BIRC6: variants seen among roughly 807,000 people sequenced by gnomAD.
BIRC6 encodes the protein dual E2 ubiquitin-conjugating enzyme/E3 ubiquitin-protein ligase BIRC6.
Under a neutral mutation model 503.3 loss-of-function variants are expected in BIRC6, and 98 were observed. The ratio of observed to expected loss-of-function variants is 0.19; its 90% CI spans 0.17 to 0.23. BIRC6 has a LOEUF of 0.23. Ranked by LOEUF, BIRC6 falls within the 10% of genes least tolerant of loss-of-function variation. The pLI, the probability that BIRC6 is intolerant of heterozygous loss-of-function variation, is 1.00. For missense variants in BIRC6, 5,360 were observed against 5,806.0 expected, an observed-to-expected ratio of 0.92 and a Z score of 2.50; for synonymous variants, 2,240 against 2,078.7, an observed-to-expected ratio of 1.08 and a Z score of -2.11.
chr2:32,369,800 T>A (rs1374433986), intron 1 of BIRC6, among the ~76,000 whole-genome samples: 3 of 150,636 alleles, frequency 2.0e-5, no homozygotes, highest in Non-Finnish European at 4.4e-5. Flanking sequence ...AAATTTTACT[T>A]AACTATAGCC....
chr2:32,504,706 T>A (rs1312482168), intron 49 of BIRC6, among the ~76,000 whole-genome samples: 1 of 151,888 alleles, frequency 6.6e-6, no homozygotes, highest in African/African-American at 2.4e-5. Flanking sequence ...AAAAAAAATT[T>A]AAAAAAAGTT....
chr2:32,479,647 T>G, intron 37 of BIRC6, 30 bp downstream of exon 37: 1 of 1,493,792 alleles, frequency 6.7e-7, no homozygotes, highest in Non-Finnish European at 9.1e-7. Context: ...TTCTTCTTTA[T>G]TCTATTAAAT....
intron 68 of BIRC6, among the ~76,000 whole-genome samples, chr2:32,597,164 A>T (rs1372603817): frequency 6.6e-6 from 1 of 152,222 alleles, no homozygotes; most frequent in African/African-American, 2.4e-5. Flanking sequence ...GATACTTACT[A>T]ACTGCCTAAA....
intron 20 of BIRC6, 76 bp downstream of exon 20, chr2:32,443,664 TA>T: frequency 8.7e-7 from 1 of 1,143,860 alleles, no homozygotes; most frequent in Non-Finnish European, 1.2e-6. Flanking sequence ...GATTATTTCA[TA>T]ACTACTTTTT....
At chr2:32,549,081 C>A in intron 64 of BIRC6, 1 of 319,426 alleles carries the variant, frequency 3.1e-6, no homozygotes, top group African/African-American at 2.1e-5. Flanking sequence ...AGTTGTATTG[C>A]TTTTATATGT....
chr2:32,429,486 A>G (rs1385605949), intron 11 of BIRC6, among the ~76,000 whole-genome samples, 191 bp downstream of exon 11: 1 of 152,128 alleles, frequency 6.6e-6, no homozygotes, highest in African/African-American at 2.4e-5. Flanking sequence ...CTTTTAGTCT[A>G]ATTAGAGGAG....
intron 65 of BIRC6, among the ~76,000 whole-genome samples, chr2:32,552,565 A>C (rs1450971579): frequency 6.6e-6 from 1 of 152,226 alleles, no homozygotes; most frequent in Non-Finnish European, 1.5e-5. Flanking sequence ...CTTAGAGGAA[A>C]GGACAACCTT....
At position 32,477,352 on chromosome 2, in the gene BIRC6, A is replaced by G. The variant is rs997306080; in HGVS notation, c.6853-16A>G. 64 of 1,610,968 alleles carry G rather than the reference A, an allele frequency of 4.0e-5. No homozygotes were observed. The highest frequency in any genetic ancestry group is 2.5e-4 in the Admixed American group (15 of 59,784). Reference sequence around the variant, plus strand: ...AAGTAAACATTGATTTAAACACTATACATTTTTGTGTGCAGCACTTTAAGG... The same window carrying G: ...AAGTAAACATTGATTTAAACACTATGCATTTTTGTGTGCAGCACTTTAAGG... On this transcript the variant is annotated splice_polypyrimidine_tract_variant and intron_variant, in intron 34 of 73. Transcript: ENST00000421745.
chr2:32,464,945 A>G, intron 25 of BIRC6, 120 bp from the exon 26 acceptor site: 3 of 1,370,550 alleles, frequency 2.2e-6, no homozygotes, highest in Non-Finnish European at 2.0e-6. Context: ...TCTTTTATAA[A>G]ATATTACAGT....
chr2:32,479,397 T>G lies in BIRC6; in HGVS notation c.7253-65T>G, dbSNP rs190621032. ...CAGTGACTAAACTGGAGGAAAAAAA[T>G]GTGCTGTAATACATTTTCGAAATCT... On this transcript the variant is annotated intron_variant, in intron 36 of 73. Transcript: ENST00000421745. The G allele has an allele frequency of 7.5e-5, 108 of 1,437,876 alleles. No homozygotes were observed. In the African/African-American group the frequency reaches 1.1e-3, roughly 15 times the overall value. 89.1% of individuals were successfully genotyped at this position (1,437,876 alleles called of 1,614,324 possible).
intron 37 of BIRC6, among the ~76,000 whole-genome samples, chr2:32,480,012 G>A (rs960818456): frequency 6.6e-6 from 1 of 151,298 alleles, no homozygotes; most frequent in South Asian, 2.1e-4. Context: ...TTATAAATTA[G>A]CATGTATAAT....
intron 73 of BIRC6, among the ~76,000 whole-genome samples, chr2:32,613,974 G>A (rs914860639): frequency 6.6e-6 from 1 of 152,014 alleles, no homozygotes; most frequent in Non-Finnish European, 1.5e-5. Flanking sequence ...ACTTCAAACT[G>A]TTGTCAGCTG....
At chr2:32,616,572 A>G (rs1410422465) in intron 73 of BIRC6, among the ~76,000 whole-genome samples, 2 of 151,722 alleles carry the variant, frequency 1.3e-5, no homozygotes, top group African/African-American at 2.4e-5. Flanking sequence ...AAAAAAAAAA[A>G]AAAAAAAAAA....
intron 66 of BIRC6, among the ~76,000 whole-genome samples, chr2:32,588,512 C>G (rs538987385): frequency 6.6e-6 from 1 of 152,290 alleles, no homozygotes; most frequent in South Asian, 2.1e-4. Context: ...CCTGCTCCCA[C>G]ACACACAGTA....
chr2:32,556,646 A>G (rs1046184973), intron 65 of BIRC6, among the ~76,000 whole-genome samples: 4 of 152,140 alleles, frequency 2.6e-5, no homozygotes, highest in Non-Finnish European at 5.9e-5. Flanking sequence ...AAATCATGAA[A>G]TGCTTTAAAA....
chr2:32,441,591 T>A, intron 17 of BIRC6, 129 bp downstream of exon 17: 2 of 819,522 alleles, frequency 2.4e-6, no homozygotes, highest in East Asian at 2.7e-5. Context: ...CTTAAATAAT[T>A]ATAATTTTGA....
At chr2:32,615,018 T>C (rs2063143019) in intron 73 of BIRC6, among the ~76,000 whole-genome samples, 2 of 152,170 alleles carry the variant, frequency 1.3e-5, no homozygotes, top group Non-Finnish European at 2.9e-5. Context: ...TGGCATTTAC[T>C]CTGCTTCTGT....
In BIRC6 at chr2:32,357,074, C is replaced by G. The variant is rs932182517; in HGVS notation, c.-88C>G. 5 of 1,215,432 alleles carry G rather than the reference C, an allele frequency of 4.1e-6. No individual in the cohort carries two copies. The South Asian group carries it at 5.0e-5, about 12-fold the overall frequency. 75.3% of individuals were successfully genotyped at this position (1,215,432 alleles called of 1,614,324 possible). A position where few individuals can be genotyped will look rare whatever the true frequency, so the allele number is the denominator to read the frequency against. On this transcript the variant is annotated 5_prime_UTR_variant, in exon 1 of 74. Transcript: ENST00000421745. This position sits in a 1 kb window ranked among gnomAD's most constrained non-coding sequence, Gnocchi z 4.9. ...CGTCAGCCTCCCTCCGAGTTTGGCCCCTCCGGCCGGGCGATCGACGTTCCG... is the reference window on the plus strand; with the variant it reads ...CGTCAGCCTCCCTCCGAGTTTGGCCGCTCCGGCCGGGCGATCGACGTTCCG...
At chr2:32,599,995 A>AGAGG (rs2061942766) in intron 70 of BIRC6, 95 bp downstream of exon 70, 1 of 1,192,234 alleles carries the variant, frequency 8.4e-7, no homozygotes, top group Non-Finnish European at 1.2e-6. Flanking sequence ...TTATCTGCTA[A>AGAGG]GAGGGCATGG....
Sources: allele counts gnomAD v4.1 joint callset (sites outside exome capture counted in the v4.1 genomes callset), GRCh38; gene constraint gnomAD v4.1.1; non-coding constraint Gnocchi (gnomAD v3.1); transcripts MANE v1.5; gene names NCBI Gene and HGNC (gene_info 2026-07-23, HGNC 2026-07-21).